KCNN4: variants seen among roughly 807,000 people sequenced by gnomAD.
The protein encoded by KCNN4 is potassium calcium-activated channel subfamily N member 4.
Under a neutral mutation model 45.2 loss-of-function variants are expected in KCNN4, and 31 were observed. The observed-to-expected ratio is 0.69, with a 90% CI of 0.52 to 0.92. The LOEUF is 0.92. Ranked by LOEUF, KCNN4 falls within the 40% of genes least tolerant of loss-of-function variation. KCNN4 has a pLI of 0.00. For synonymous variants in KCNN4, 231 were observed against 254.6 expected, an observed-to-expected ratio of 0.91 and a Z score of 0.88; for missense variants, 463 against 574.0, an observed-to-expected ratio of 0.81 and a Z score of 1.98.
intron 1 of KCNN4, among the ~76,000 whole-genome samples, chr19:43,778,456 G>C (rs1969874555): frequency 6.6e-6 from 1 of 152,130 alleles, no homozygotes; most frequent in Non-Finnish European, 1.5e-5. Flanking sequence ...AGCCAGGATG[G>C]TCTCGATGTC....
At position 43,769,007 on chromosome 19, in the gene KCNN4, G is replaced by A. The variant is rs781677826; in HGVS notation, c.1075C>T (p.Arg359Trp). Residue 359 changes from arginine to tryptophan, a missense_variant, in exon 7 of 9, where the codon CGG becomes TGG. Around this residue, in one of 3 missense-constraint regions of KCNN4, gnomAD observed 129 missense variants for 149.4 expected, o/e 0.86. Coordinates refer to ENST00000648319, the MANE Select transcript of KCNN4 (RefSeq NM_002250.3). This position sits in a 1 kb window ranked among gnomAD's most constrained non-coding sequence, Gnocchi z 4.4. ...GAGTTCACTTGTTCCCGGAGCTTCCGGTGTTTCAGCCGCACCTGGCGGAAC... is the reference window on the plus strand; with the variant it reads ...GAGTTCACTTGTTCCCGGAGCTTCCAGTGTTTCAGCCGCACCTGGCGGAAC... ...NAFRQVRLKH[R>W]KLREQVNSMV... 4.5e-5 allele frequency: 73 copies of A among 1,613,940 alleles called. No homozygotes were observed. In the Admixed American group the frequency reaches 1.1e-3, roughly 24 times the overall value.
At position 43,769,826 on chromosome 19, in the gene KCNN4, C is replaced by T. The variant is rs747587774; in HGVS notation, c.823G>A (p.Val275Ile). The T allele has an allele frequency of 5.0e-6, 8 of 1,610,000 alleles. No homozygotes were observed. Among genetic ancestry groups the T allele is most frequent in the East Asian group, 2.2e-5 (1 of 44,856 alleles). ...GCCACCAGCAGGGCTGTGCAGCAGA[C>T]ACCCTGTGGGCACAGCAGGCACCGT... ...IVCLCTGVMG[V>I]CCTALLVAVV... Residue 275 changes from valine to isoleucine, a missense_variant, in exon 5 of 9, where the codon GTC (valine) becomes ATC (isoleucine). Transcript: ENST00000648319. This position sits in a 1 kb window ranked among gnomAD's most constrained non-coding sequence, Gnocchi z 4.4.
At chr19:43,771,485 G>C (rs1002827984) in intron 4 of KCNN4, among the ~76,000 whole-genome samples, 1 of 152,088 alleles carries the variant, frequency 6.6e-6, no homozygotes, top group African/African-American at 2.4e-5. Context: ...CGCAGGATTC[G>C]GACCCAGGTA....
rs1245732251 is a variant in KCNN4, at chr19:43,774,464, G to C, written c.411C>G (p.Ser137=). The C allele has an allele frequency of 6.3e-7, 1 of 1,594,644 alleles. No homozygotes were observed. The highest frequency in any genetic ancestry group is 2.3e-5 in the East Asian group (1 of 43,912). The change falls in exon 3 of 9, where the codon TCC becomes TCG. Residue 137 remains serine (S), a synonymous_variant. Coordinates refer to ENST00000648319, the MANE Select transcript of KCNN4 (RefSeq NM_002250.3). The surrounding 1 kb of genome is among the most constrained non-coding windows in gnomAD (Gnocchi z 5.6). ...CCAGGAATCCCGGCCAGGGCTGCGG[G>C]GAGGTCAGCGGCGCCCCTAAATCCT... ...CVQDLGAPLT[S]PQPWPGFLGQ...
Position 43,780,945 on chromosome 19 carries a change from G to A in KCNN4, c.-84C>T. On this transcript the variant is annotated 5_prime_UTR_variant, in exon 1 of 9. Coordinates refer to ENST00000648319, the MANE Select transcript of KCNN4 (RefSeq NM_002250.3). The stretch of plus-strand genomic sequence containing the variant: ...ACGCACAGGGCAGCCACTGTGGCTT[G>A]CAGGTCGTCAGCCTGCTCTGCTGGC... 7 of 1,411,188 alleles carry A rather than the reference G, an allele frequency of 5.0e-6. No homozygotes were observed. Among genetic ancestry groups the A allele is most frequent in the Non-Finnish European group, 6.9e-6 (7 of 1,014,966 alleles). The allele number at this position is 1,411,188 out of a possible 1,614,324, so 87.4% of individuals were successfully genotyped here.
chr19:43,776,677 C>T (rs554707587), intron 1 of KCNN4, 41 bp from the exon 2 acceptor site: 1 of 1,323,086 alleles, frequency 7.6e-7, no homozygotes, highest in African/African-American at 1.5e-5. Flanking sequence ...GATCCCAGGT[C>T]TCCCTCCGCC....
chr19:43,768,604 G>T (rs894688226), intron 7 of KCNN4, among the ~76,000 whole-genome samples: 1 of 152,180 alleles, frequency 6.6e-6, no homozygotes, highest in East Asian at 1.9e-4. Flanking sequence ...TGGTTTTGCC[G>T]TCTATGGGCT....
At chr19:43,771,784 C>G (rs912180921) in intron 4 of KCNN4, among the ~76,000 whole-genome samples, 12 of 152,172 alleles carry the variant, frequency 7.9e-5, no homozygotes, top group African/African-American at 2.9e-4. Flanking sequence ...CTCTTGGGCT[C>G]AAGTGATCCT....
At position 43,772,435 on chromosome 19, in the gene KCNN4, G is replaced by A. The variant is rs10414366; in HGVS notation, c.684-300C>T. Among the ~76,000 whole-genome samples, 129,479 of 152,116 alleles carry A rather than the reference G, an allele frequency of 0.85. 55,262 individuals are homozygous for A. The highest frequency in any genetic ancestry group is 0.96 in the East Asian group (4,950 of 5,166). On this transcript the variant is annotated intron_variant, in intron 3 of 8. Coordinates refer to ENST00000648319, the MANE Select transcript of KCNN4 (RefSeq NM_002250.3). This position sits in a 1 kb window ranked among gnomAD's most constrained non-coding sequence, Gnocchi z 4.4. ...TGGTCTCAGCTAGGCTACCCGGGCT[G>A]CTGTAGCATTCAGAGCGTGTGGTTG...
chr19:43,769,455 C>T lies in KCNN4; in HGVS notation c.1036G>A (p.Ala346Thr). 1 of 1,614,098 alleles carries T rather than the reference C, an allele frequency of 6.2e-7. No homozygotes were observed. Among genetic ancestry groups the T allele is most frequent in the Non-Finnish European group, 8.5e-7 (1 of 1,179,960 alleles). ...AGCGGCCCTCACGCGTTGATGGCGG[C>T]CAGCAGCTTGCGCTGATGCCTGCGG... is the stretch of plus-strand genomic sequence containing the variant. The part of the protein sequence containing the change: ...AARRHQRKLL[A>T]AINAFRQVRL... The change falls in exon 6 of 9, where the codon GCC becomes ACC. Residue 346 changes from alanine to threonine, a missense_variant. Physicochemically the swap from Ala to Thr is moderately conservative, Grantham distance 58. Transcript: ENST00000648319. The surrounding 1 kb of genome is among the most constrained non-coding windows in gnomAD (Gnocchi z 4.4).
intron 8 of KCNN4, 121 bp from the exon 9 acceptor site, chr19:43,767,210 C>T (rs576546460): frequency 5.3e-5 from 14 of 263,550 alleles, no homozygotes; most frequent in African/African-American, 2.4e-4. Flanking sequence ...CAGGTGTTTC[C>T]GGGCCCCGAG....
chr19:43,771,239 C>A (rs920369862), intron 4 of KCNN4, among the ~76,000 whole-genome samples: 2 of 152,122 alleles, frequency 1.3e-5, no homozygotes, highest in Non-Finnish European at 2.9e-5. Context: ...TCTGCCTCAT[C>A]CTTGAGGGCA....
chr19:43,779,435 G>A (rs574180189), intron 1 of KCNN4, among the ~76,000 whole-genome samples: 16 of 151,906 alleles, frequency 1.1e-4, no homozygotes, highest in African/African-American at 3.6e-4. Context: ...CTTCAGAGCT[G>A]CCCACCACCC....
chr19:43,776,127 C>CAAA (rs59704354), intron 2 of KCNN4, among the ~76,000 whole-genome samples: 8 of 40,984 alleles, frequency 2.0e-4, no homozygotes, highest in African/African-American at 4.9e-4. Context: ...GACCTTGTCT[C>CAAA]AAAAAAAAAA....
intron 1 of KCNN4, among the ~76,000 whole-genome samples, chr19:43,777,158 C>T (rs1969833604): frequency 6.6e-6 from 1 of 152,086 alleles, no homozygotes; most frequent in Non-Finnish European, 1.5e-5. Context: ...TCTTTCTCCC[C>T]AACAGGACAA....
chr19:43,768,740 A>AT (rs754029039), intron 7 of KCNN4, among the ~76,000 whole-genome samples: 4,715 of 146,962 alleles, frequency 0.032, 101 homozygotes, highest in African/African-American at 0.046. Flanking sequence ...TCTTTGTGCA[A>AT]TTTTTTTTTT....
chr19:43,767,358 A>G lies in KCNN4; in HGVS notation c.*3+182T>C. ...AGGGTCAGTGAAGGGGAGAGGGTAC[A>G]CCATCTTCCTTCACTGCCAGTCCAG... is the stretch of plus-strand genomic sequence containing the variant. On this transcript the variant is annotated intron_variant, in intron 8 of 8. Transcript: ENST00000648319. The G allele has an allele frequency of 4.3e-6, 3 of 689,950 alleles. No homozygotes were observed. In the South Asian group the frequency reaches 5.8e-5, roughly 13 times the overall value. 42.7% of individuals were successfully genotyped at this position (689,950 alleles called of 1,614,324 possible).
At position 43,774,331 on chromosome 19, in the gene KCNN4, T is replaced by C. The variant is rs199747490; in HGVS notation, c.544A>G (p.Ile182Val). ...GVLLNASYRS[I>V]GALNQVRFRH... ...AAGCGGACTTGATTGAGAGCGCCGATGCTGCGGTAGGAAGCGTTGAGCAGG... is the reference window on the plus strand; with the variant it reads ...AAGCGGACTTGATTGAGAGCGCCGACGCTGCGGTAGGAAGCGTTGAGCAGG... Residue 182 changes from isoleucine (I) to valine (V), a missense_variant, in exon 3 of 9, where the codon ATC (isoleucine) becomes GTC (valine). This residue lies in a region of KCNN4 where 109 missense variants were observed against 183.7 expected (regional missense o/e 0.59). Coordinates refer to ENST00000648319, the MANE Select transcript of KCNN4 (RefSeq NM_002250.3). This position sits in a 1 kb window ranked among gnomAD's most constrained non-coding sequence, Gnocchi z 5.6. 2.5e-5 allele frequency: 41 copies of C among 1,611,304 alleles called. No individual in the cohort carries two copies. Among genetic ancestry groups the C allele is most frequent in the Non-Finnish European group, 3.4e-5 (40 of 1,178,846 alleles).
intron 1 of KCNN4, among the ~76,000 whole-genome samples, chr19:43,780,299 A>G (rs1969934236): frequency 6.6e-6 from 1 of 151,978 alleles, no homozygotes; most frequent in Non-Finnish European, 1.5e-5. Context: ...GGGAGCACCC[A>G]GGAGTCCCAG....
Sources: gnomAD v4.1 joint callset for allele counts (sites outside exome capture counted in the v4.1 genomes callset) on GRCh38, gnomAD v4.1.1 for gene constraint, gnomAD v4.1.1 regional missense constraint, Gnocchi (gnomAD v3.1) non-coding constraint, MANE v1.5 for transcripts, NCBI Gene and HGNC (gene_info 2026-07-23, HGNC 2026-07-21) for gene names.